Variants in RBMS3 observed in about 807,000 individuals in gnomAD.
RBMS3 encodes the protein RNA binding motif single stranded interacting protein 3, also known as RNA-binding motif, single-stranded-interacting protein 3.
A neutral mutation model predicts 66.8 loss-of-function variants in RBMS3; 27 were observed. The ratio of observed to expected loss-of-function variants is 0.40; its 90% confidence interval spans 0.30 to 0.56. The LOEUF (loss-of-function observed/expected upper bound fraction) is 0.56. Among genes scored for constraint, RBMS3 ranks in the 20% least tolerant of loss-of-function variants. The probability of loss-of-function intolerance (pLI) is 0.40; values close to 1 mark genes in which losing one functional copy is unlikely to be tolerated. For synonymous variants in RBMS3, 188 were observed against 183.0 expected, an observed-to-expected ratio of 1.03 and a Z score of -0.22; for missense variants, 513 against 549.5, an observed-to-expected ratio of 0.93 and a Z score of 0.66.
chr3:29,795,958 G>A (rs112037261), intron 6 of RBMS3, among the ~76,000 whole-genome samples: 42 of 152,272 alleles, frequency 2.8e-4, no homozygotes, highest in African/African-American at 9.6e-4. Flanking sequence ...GGTAGGAAAT[G>A]GATATGAACA....
chr3:29,866,281 T>C (rs1020776047), intron 6 of RBMS3, among the ~76,000 whole-genome samples: 25 of 152,128 alleles, frequency 1.6e-4, no homozygotes, highest in African/African-American at 6.0e-4. Flanking sequence ...TTATTTTATG[T>C]CAGTTGACTC....
intron 4 of RBMS3, among the ~76,000 whole-genome samples, chr3:29,684,805 C>CACACACAT (rs1308384291): frequency 4.0e-5 from 6 of 151,820 alleles, no homozygotes; most frequent in African/African-American, 1.5e-4. Flanking sequence ...CACACACACA[C>CACACACAT]ACACACACAC....
At chr3:29,947,297 G>A (rs2149709358) in intron 12 of RBMS3, among the ~76,000 whole-genome samples, 1 of 151,670 alleles carries the variant, frequency 6.6e-6, no homozygotes, top group Non-Finnish European at 1.5e-5. Context: ...TAATGAAGTG[G>A]GGGTATCTTG....
At chr3:29,528,412 C>G (rs1018526878) in intron 3 of RBMS3, among the ~76,000 whole-genome samples, 1 of 151,950 alleles carries the variant, frequency 6.6e-6, no homozygotes, top group African/African-American at 2.4e-5. Context: ...TATGCCTGGC[C>G]CACAAATGCA....
At chr3:29,433,399 C>T (rs1370075372) in intron 1 of RBMS3, among the ~76,000 whole-genome samples, 1 of 152,050 alleles carries the variant, frequency 6.6e-6, no homozygotes, top group Admixed American at 6.5e-5. Context: ...CATTTGGGGT[C>T]ACAACTGAGA....
chr3:29,298,182 T>G (rs1437457174), intron 1 of RBMS3, among the ~76,000 whole-genome samples: 1 of 151,924 alleles, frequency 6.6e-6, no homozygotes, highest in Non-Finnish European at 1.5e-5. Context: ...GTCAATTGAC[T>G]GAATGATTGG....
At chr3:29,562,911 A>G (rs1294724821) in intron 3 of RBMS3, among the ~76,000 whole-genome samples, 1 of 152,186 alleles carries the variant, frequency 6.6e-6, no homozygotes, top group Non-Finnish European at 1.5e-5. Flanking sequence ...ATTTCTAGAT[A>G]GTTTTGTGTT....
chr3:29,493,062 G>A (rs182837417), intron 3 of RBMS3, among the ~76,000 whole-genome samples: 7 of 152,120 alleles, frequency 4.6e-5, no homozygotes, highest in African/African-American at 7.2e-5. Flanking sequence ...ATGTATCTAC[G>A]TACAACTTTG....
intron 8 of RBMS3, among the ~76,000 whole-genome samples, chr3:29,886,753 A>G (rs1577070772): frequency 1.3e-5 from 2 of 151,788 alleles, no homozygotes. Context: ...AATGAAGACT[A>G]TATTGGAGCA....
chr3:29,665,266 T>A (rs1044842559), intron 4 of RBMS3, among the ~76,000 whole-genome samples: 2 of 152,218 alleles, frequency 1.3e-5, no homozygotes, highest in African/African-American at 2.4e-5. Context: ...TGCTGAAGAA[T>A]AACCAAATTC....
intron 1 of RBMS3, among the ~76,000 whole-genome samples, chr3:29,383,634 A>G (rs1465813293): frequency 6.6e-6 from 1 of 152,166 alleles, no homozygotes; most frequent in East Asian, 1.9e-4. Context: ...GTTCCATACT[A>G]ACTTATGAAC....
intron 12 of RBMS3, among the ~76,000 whole-genome samples, chr3:29,961,566 T>C (rs983574521): frequency 6.6e-6 from 1 of 152,056 alleles, no homozygotes; most frequent in African/African-American, 2.4e-5. Flanking sequence ...AGGAAAAAGG[T>C]TTAATTCACT....
chr3:29,655,278 C>A (rs931328396), intron 4 of RBMS3, among the ~76,000 whole-genome samples: 3 of 152,070 alleles, frequency 2.0e-5, no homozygotes, highest in African/African-American at 7.2e-5. Flanking sequence ...TTTAGCTCCC[C>A]GTCTGCAGGG....
At chr3:29,408,099 C>T (rs376749496) in intron 1 of RBMS3, among the ~76,000 whole-genome samples, 18 of 151,366 alleles carry the variant, frequency 1.2e-4, no homozygotes, top group African/African-American at 3.6e-4. Context: ...GGTGAAACCC[C>T]GTCTCTACTA....
At chr3:29,910,329 A>G (rs532997835) in intron 10 of RBMS3, among the ~76,000 whole-genome samples, 1 of 152,202 alleles carries the variant, frequency 6.6e-6, no homozygotes, top group South Asian at 2.1e-4. Context: ...GGATGAGAGT[A>G]CAGATAGACC....
intron 1 of RBMS3, among the ~76,000 whole-genome samples, chr3:29,307,333 C>T (rs1575510803): frequency 6.6e-6 from 1 of 151,950 alleles, no homozygotes; most frequent in Admixed American, 6.6e-5. Context: ...TAAGCAATTA[C>T]ATTTGTATGT....
chr3:29,359,554 G>A (rs1383241425), intron 1 of RBMS3, among the ~76,000 whole-genome samples: 1 of 152,146 alleles, frequency 6.6e-6, no homozygotes, highest in Non-Finnish European at 1.5e-5. Flanking sequence ...GATGATGCTG[G>A]CCTCATAAAG....
intron 6 of RBMS3, among the ~76,000 whole-genome samples, chr3:29,836,294 A>G (rs150792616): frequency 1.5e-3 from 235 of 152,246 alleles, no homozygotes; most frequent in Non-Finnish European, 2.6e-3. Flanking sequence ...ATAAAGCCAG[A>G]CAAGGACACC....
At chr3:29,970,429 A>T (rs1020512973) in intron 12 of RBMS3, among the ~76,000 whole-genome samples, 37 of 152,004 alleles carry the variant, frequency 2.4e-4, no homozygotes, top group African/African-American at 8.5e-4. Context: ...TTGCTTATCT[A>T]TTTATTTCAT....
Sources: allele counts gnomAD v4.1 joint callset (sites outside exome capture counted in the v4.1 genomes callset), GRCh38; gene constraint gnomAD v4.1.1; transcripts MANE v1.5; gene names NCBI Gene and HGNC (gene_info 2026-07-23, HGNC 2026-07-21).